AGBL4: variants seen among roughly 807,000 people sequenced by gnomAD.
AGBL4 encodes cytosolic carboxypeptidase 6.
A neutral mutation model predicts 66.4 loss-of-function variants in AGBL4; 58 were observed. That is an observed-to-expected ratio of 0.87 (90% CI 0.71 to 1.09). AGBL4 has a LOEUF of 1.09. Among genes scored for constraint, AGBL4 ranks in the 50% least tolerant of loss-of-function variants. The probability of loss-of-function intolerance (pLI) is 0.00; values close to 1 mark genes in which losing one functional copy is unlikely to be tolerated. For synonymous variants in AGBL4, 234 were observed against 222.9 expected (o/e 1.05, Z -0.44); for missense variants, 579 against 631.0 (o/e 0.92, Z 0.88).
At chr1:48,542,498 C>A (rs190624862) in intron 11 of AGBL4, among the ~76,000 whole-genome samples, 420 of 152,300 alleles carry the variant, frequency 2.8e-3, no homozygotes, top group African/African-American at 9.8e-3. Context: ...TCCTCTCCAG[C>A]ATCTGTTGTT....
chr1:48,537,202 G>C (rs2246670), intron 12 of AGBL4, among the ~76,000 whole-genome samples: 77,929 of 152,012 alleles, frequency 0.51, 22,999 homozygotes, highest in Non-Finnish European at 0.69. Context: ...ATTTTTAAAG[G>C]ATTACTGACC....
intron 6 of AGBL4, among the ~76,000 whole-genome samples, chr1:48,675,867 C>T (rs1028277637): frequency 2.6e-5 from 4 of 152,236 alleles, no homozygotes; most frequent in African/African-American, 7.2e-5. Context: ...TCTTATATAA[C>T]TTCTCCACCC....
intron 3 of AGBL4, among the ~76,000 whole-genome samples, chr1:49,255,950 A>G (rs1652456626): frequency 6.6e-6 from 1 of 152,130 alleles, no homozygotes; most frequent in Non-Finnish European, 1.5e-5. Flanking sequence ...TATAAGTGGG[A>G]GCTAAATGAT....
chr1:49,077,742 C>G (rs1456610012), intron 4 of AGBL4, among the ~76,000 whole-genome samples: 2 of 152,054 alleles, frequency 1.3e-5, no homozygotes, highest in African/African-American at 4.8e-5. Flanking sequence ...ACCAAAGTTG[C>G]TCTCTGATCA....
At chr1:49,940,960 TA>T (rs1654698889) in intron 1 of AGBL4, among the ~76,000 whole-genome samples, 1 of 151,784 alleles carries the variant, frequency 6.6e-6, no homozygotes, top group Non-Finnish European at 1.5e-5. Context: ...TTCAAATAAA[TA>T]AAAATATAAA....
At chr1:49,538,592 C>T (rs1005196569) in intron 3 of AGBL4, among the ~76,000 whole-genome samples, 1 of 152,070 alleles carries the variant, frequency 6.6e-6, no homozygotes, top group Non-Finnish European at 1.5e-5. Flanking sequence ...GAAAAAAATA[C>T]ACACAAAGAC....
intron 6 of AGBL4, among the ~76,000 whole-genome samples, chr1:48,679,554 G>A (rs534225188): frequency 6.6e-6 from 1 of 152,236 alleles, no homozygotes; most frequent in South Asian, 2.1e-4. Context: ...ATCAGTGTGG[G>A]TGATTTCTTT....
At chr1:49,768,918 G>T (rs1314171153) in intron 2 of AGBL4, among the ~76,000 whole-genome samples, 1 of 151,694 alleles carries the variant, frequency 6.6e-6, no homozygotes, top group East Asian at 1.9e-4. Flanking sequence ...GCGCGATCTT[G>T]GCTCACTGCA....
At chr1:48,932,743 T>C (rs1321971742) in intron 5 of AGBL4, among the ~76,000 whole-genome samples, 1 of 152,178 alleles carries the variant, frequency 6.6e-6, no homozygotes, top group Non-Finnish European at 1.5e-5. Flanking sequence ...CACTTAAAGG[T>C]TACCTTTCTG....
intron 1 of AGBL4, among the ~76,000 whole-genome samples, chr1:49,912,570 A>C (rs1650962134): frequency 6.6e-6 from 1 of 152,228 alleles, no homozygotes; most frequent in Non-Finnish European, 1.5e-5. Context: ...TTGATTAAGT[A>C]ATTTGTTCTT....
intron 4 of AGBL4, among the ~76,000 whole-genome samples, chr1:49,220,140 T>C (rs1649388318): frequency 6.6e-6 from 1 of 152,202 alleles, no homozygotes. Flanking sequence ...TTTGTCTTAC[T>C]GTCCAGAACT....
intron 3 of AGBL4, among the ~76,000 whole-genome samples, chr1:49,328,195 A>G (rs1459924928): frequency 6.6e-6 from 1 of 152,222 alleles, no homozygotes; most frequent in Non-Finnish European, 1.5e-5. Context: ...GCTAGACAGA[A>G]AATGATTAAA....
At chr1:48,761,523 A>T (rs1380764341) in intron 6 of AGBL4, 1 of 1,519,690 alleles carries the variant, frequency 6.6e-7, no homozygotes, top group African/African-American at 1.4e-5. Context: ...ATGAGTCATT[A>T]TGAGTTTAGA....
chr1:49,150,692 A>C (rs1646310507), intron 4 of AGBL4, among the ~76,000 whole-genome samples: 1 of 152,096 alleles, frequency 6.6e-6, no homozygotes, highest in Non-Finnish European at 1.5e-5. Flanking sequence ...CATTTGGCTA[A>C]ATCCTATTTA....
At chr1:48,652,462 A>G (rs1204591665) in intron 8 of AGBL4, among the ~76,000 whole-genome samples, 1 of 152,150 alleles carries the variant, frequency 6.6e-6, no homozygotes. Flanking sequence ...CAGCTGCAGC[A>G]CCTGTTCTAG....
intron 3 of AGBL4, among the ~76,000 whole-genome samples, chr1:49,516,410 T>TA (rs1234088852): frequency 6.6e-6 from 1 of 151,970 alleles, no homozygotes; most frequent in Non-Finnish European, 1.5e-5. Context: ...TACTTGTAGA[T>TA]AAAAAAGAGG....
chr1:48,690,766 C>A (rs975530306), intron 6 of AGBL4, among the ~76,000 whole-genome samples: 26 of 152,176 alleles, frequency 1.7e-4, no homozygotes, highest in African/African-American at 6.0e-4. Flanking sequence ...CTTGGACCAC[C>A]CAGCAGAAGA....
chr1:48,986,511 G>A (rs912613583), intron 5 of AGBL4, among the ~76,000 whole-genome samples: 3 of 151,928 alleles, frequency 2.0e-5, no homozygotes, highest in African/African-American at 7.2e-5. Flanking sequence ...AGAGCAACAT[G>A]TCTGAAGTAT....
At chr1:49,601,505 A>G (rs989874279) in intron 3 of AGBL4, among the ~76,000 whole-genome samples, 1 of 152,150 alleles carries the variant, frequency 6.6e-6, no homozygotes. Context: ...CAAATCAGAT[A>G]TATAGACCAA....
Sources: gnomAD v4.1 joint callset for allele counts (sites outside exome capture counted in the v4.1 genomes callset) on GRCh38, gnomAD v4.1.1 for gene constraint, MANE v1.5 for transcripts, NCBI Gene and HGNC (gene_info 2026-07-23, HGNC 2026-07-21) for gene names.